ARHGAP24: variants seen among roughly 807,000 people sequenced by gnomAD.
ARHGAP24 encodes the protein rho GTPase-activating protein 24.
A neutral mutation model predicts 76.4 loss-of-function variants in ARHGAP24; 50 were observed. The ratio of observed to expected loss-of-function variants is 0.65; its 90% CI spans 0.52 to 0.83. The LOEUF is 0.83. ARHGAP24 is among the 40% of genes least tolerant of loss of function. The probability of loss-of-function intolerance (pLI) is 0.00; values close to 1 mark genes in which losing one functional copy is unlikely to be tolerated. For synonymous variants in ARHGAP24, 345 were observed against 323.3 expected, an observed-to-expected ratio of 1.07 and a Z score of -0.72; for missense variants, 930 against 914.2, an observed-to-expected ratio of 1.02 and a Z score of -0.22.
intron 2 of ARHGAP24, among the ~76,000 whole-genome samples, chr4:85,578,465 G>C (rs962698825): frequency 2.0e-5 from 3 of 152,218 alleles, no homozygotes; most frequent in Non-Finnish European, 4.4e-5. Flanking sequence ...ATTTTCTCCA[G>C]AATTGATTTG....
At chr4:85,483,442 T>C (rs560357982) in intron 1 of ARHGAP24, among the ~76,000 whole-genome samples, 198 of 152,120 alleles carry the variant, frequency 1.3e-3, no homozygotes, top group African/African-American at 4.5e-3. Context: ...CGAAACTCCG[T>C]CTCTACTATA....
chr4:85,862,010 T>G (rs1357300074), intron 3 of ARHGAP24, among the ~76,000 whole-genome samples: 1 of 152,114 alleles, frequency 6.6e-6, no homozygotes, highest in Non-Finnish European at 1.5e-5. Flanking sequence ...TTTCTTTAAG[T>G]TGCAGCCAAG....
At chr4:85,718,683 C>A (rs1724819728) in intron 2 of ARHGAP24, among the ~76,000 whole-genome samples, 1 of 152,012 alleles carries the variant, frequency 6.6e-6, no homozygotes, top group South Asian at 2.1e-4. Context: ...CATATCCTGC[C>A]CTAAGCCTTG....
Position 85,769,417 on chromosome 4 carries a change from G to A in ARHGAP24, c.268+47445G>A, listed in dbSNP as rs541879805. Among the ~76,000 whole-genome samples, 4 of 152,240 alleles carry A rather than the reference G, an allele frequency of 2.6e-5. No homozygotes were observed. In the South Asian group the frequency reaches 8.3e-4, roughly 32 times the overall value. On this transcript the variant is annotated intron_variant, in intron 3 of 9. Transcript: ENST00000395184. ...TGTGGGAAAAGAAGACACATTTATT[G>A]TGTTGCTTGTTTGCTTGTTTTTAAA...
chr4:85,704,797 C>A (rs930641648), intron 2 of ARHGAP24, among the ~76,000 whole-genome samples: 1 of 151,924 alleles, frequency 6.6e-6, no homozygotes, highest in Non-Finnish European at 1.5e-5. Flanking sequence ...TCCTCAGTAC[C>A]GTATCTGGCA....
chr4:85,693,819 G>C (rs1365775326), intron 2 of ARHGAP24, among the ~76,000 whole-genome samples: 1 of 152,220 alleles, frequency 6.6e-6, no homozygotes, highest in Non-Finnish European at 1.5e-5. Flanking sequence ...AGCCCAGGGG[G>C]CATGGGTGCC....
At chr4:85,846,470 G>A (rs1560667890) in intron 3 of ARHGAP24, among the ~76,000 whole-genome samples, 1 of 152,160 alleles carries the variant, frequency 6.6e-6, no homozygotes, top group Non-Finnish European at 1.5e-5. Flanking sequence ...AGTAAAATAA[G>A]TCAAACAGTA....
At position 85,664,075 on chromosome 4, in the gene ARHGAP24, C is replaced by G. The variant is rs567385900; in HGVS notation, c.181-57810C>G. 1.1e-4 allele frequency among the ~76,000 whole-genome samples: 17 copies of G among 151,340 alleles called. No individual in the cohort carries two copies. In the South Asian group the frequency reaches 2.9e-3, roughly 26 times the overall value. ...GATTCCCTATTGATTGGAATAGTTTCAGAAGGAATGGTACCAGTTCCTCCT... is the reference window on the plus strand; with the variant it reads ...GATTCCCTATTGATTGGAATAGTTTGAGAAGGAATGGTACCAGTTCCTCCT... On this transcript the variant is annotated intron_variant, in intron 2 of 9. Transcript: ENST00000395184.
intron 2 of ARHGAP24, among the ~76,000 whole-genome samples, chr4:85,669,028 G>A (rs62315287): frequency 1.3e-4 from 20 of 151,968 alleles, no homozygotes; most frequent in African/African-American, 4.1e-4. Context: ...GCCTTTGTGT[G>A]TGTGTGTGAT....
chr4:85,765,401 A>T (rs1726893553), intron 3 of ARHGAP24, among the ~76,000 whole-genome samples: 1 of 152,142 alleles, frequency 6.6e-6, no homozygotes, highest in Admixed American at 6.6e-5. Context: ...TGAATGATTA[A>T]TGTTTACCCA....
rs915522499 is a variant in ARHGAP24 at position 85,928,155 on chromosome 4, A to G, written c.391+4385A>G. ...TTGAGAGGCACATGGTTTCTGCATAAAAGTCAAATTCAAAAATCTGAATGT... is the reference window on the plus strand; with the variant it reads ...TTGAGAGGCACATGGTTTCTGCATAGAAGTCAAATTCAAAAATCTGAATGT... On this transcript the variant is annotated intron_variant, in intron 4 of 9. Coordinates refer to ENST00000395184, the MANE Select transcript of ARHGAP24 (RefSeq NM_001025616.3). 3.9e-5 allele frequency among the ~76,000 whole-genome samples: 6 copies of G among 152,286 alleles called. No individual in the cohort carries two copies. The East Asian group carries it at 5.8e-4, about 15-fold the overall frequency.
chr4:86,001,013 G>C lies in ARHGAP24; in HGVS notation c.*291G>C, dbSNP rs1254896315. On this transcript the variant is annotated 3_prime_UTR_variant, in exon 10 of 10. Coordinates refer to ENST00000395184, the MANE Select transcript of ARHGAP24 (RefSeq NM_001025616.3). ...CAAGAATTATTTTATTGCAAGTCTT[G>C]TATTTAAATGTTAAATCAATATGTT... is the stretch of plus-strand genomic sequence containing the variant. The C allele has an allele frequency of 4.0e-6, 2 of 499,752 alleles. No individual in the cohort carries two copies. Among genetic ancestry groups the C allele is most frequent in the Non-Finnish European group, 7.0e-6 (2 of 286,558 alleles). The allele number at this position is 499,752 out of a possible 1,614,324, so 31.0% of individuals were successfully genotyped here. A position where few individuals can be genotyped will look rare whatever the true frequency, so the allele number is the denominator to read the frequency against.
chr4:85,532,457 T>C (rs1013501304), intron 1 of ARHGAP24, among the ~76,000 whole-genome samples: 1 of 152,162 alleles, frequency 6.6e-6, no homozygotes, highest in African/African-American at 2.4e-5. Context: ...CAATTATGTC[T>C]CTTTCTATAT....
chr4:85,718,672 G>T (rs1724819188), intron 2 of ARHGAP24, among the ~76,000 whole-genome samples: 2 of 152,074 alleles, frequency 1.3e-5, no homozygotes, highest in Non-Finnish European at 2.9e-5. Flanking sequence ...GTCAATTACA[G>T]CATATCCTGC....
intron 2 of ARHGAP24, among the ~76,000 whole-genome samples, chr4:85,625,341 T>C (rs999213006): frequency 2.6e-5 from 4 of 152,224 alleles, no homozygotes; most frequent in Non-Finnish European, 5.9e-5. Flanking sequence ...CTAGTAGTCA[T>C]TCAGGAGCAG....
intron 3 of ARHGAP24, among the ~76,000 whole-genome samples, chr4:85,726,704 C>G (rs1725181638): frequency 6.6e-6 from 1 of 152,156 alleles, no homozygotes; most frequent in Admixed American, 6.6e-5. Flanking sequence ...GTTATAATGT[C>G]TGTAGCCTTA....
intron 2 of ARHGAP24, among the ~76,000 whole-genome samples, chr4:85,631,503 TCTA>T (rs1721158106): frequency 6.6e-6 from 1 of 152,130 alleles, no homozygotes; most frequent in Non-Finnish European, 1.5e-5. Flanking sequence ...TTAAAACTTT[TCTA>T]GCCTTTTCTC....
chr4:85,682,368 T>C (rs142495546), intron 2 of ARHGAP24, among the ~76,000 whole-genome samples: 1 of 152,360 alleles, frequency 6.6e-6, no homozygotes, highest in African/African-American at 2.4e-5. Flanking sequence ...TGAATGAGAA[T>C]AGCCAGTGGT....
At chr4:85,544,122 G>C (rs778219228) in intron 1 of ARHGAP24, among the ~76,000 whole-genome samples, 22 of 152,206 alleles carry the variant, frequency 1.4e-4, no homozygotes, top group Non-Finnish European at 1.9e-4. Flanking sequence ...CAGTTTCTGA[G>C]TCCATAAGGG....
Sources: gnomAD v4.1 joint callset for allele counts (sites outside exome capture counted in the v4.1 genomes callset) on GRCh38, gnomAD v4.1.1 for gene constraint, MANE v1.5 for transcripts, NCBI Gene and HGNC (gene_info 2026-07-23, HGNC 2026-07-21) for gene names.